Variants in WDR31 observed in about 807,000 individuals in gnomAD.
WDR31 encodes the protein WD repeat domain 31, also known as WD repeat-containing protein 31.
WDR31 carries 30 observed loss-of-function variants against 47.3 expected under a neutral mutation model. The ratio of observed to expected loss-of-function variants is 0.63; its 90% CI spans 0.47 to 0.86. WDR31 has a LOEUF of 0.86. Ranked by LOEUF, WDR31 falls within the 40% of genes least tolerant of loss-of-function variation. The pLI is 0.00. For synonymous variants in WDR31, 137 were observed against 159.4 expected (o/e 0.86, Z 1.06); for missense variants, 406 against 442.9 (o/e 0.92, Z 0.75).
chr9:113,322,852 TCAC>T lies in WDR31; in HGVS notation c.526_528del (p.Val176del), dbSNP rs1833356505. The stretch of plus-strand genomic sequence containing the variant: ...GATGCTCTTTCCACACTCTGTCCTG[TCAC>T]CACATCCCACAGAAGCAGGGTGTTG... On this transcript the variant is annotated inframe_deletion, in exon 7 of 11. Coordinates refer to ENST00000374193, the MANE Select transcript of WDR31 (RefSeq NM_001012361.4). The T allele has an allele frequency of 1.9e-6, 3 of 1,614,172 alleles. No homozygotes were observed. The East Asian group carries it at 6.7e-5, about 36-fold the overall frequency.
At chr9:113,323,255 A>C in intron 5 of WDR31, 100 bp from the exon 6 acceptor site, 10 of 1,395,944 alleles carry the variant, frequency 7.2e-6, no homozygotes, top group Non-Finnish European at 9.7e-6. Flanking sequence ...CTCCCTCCCC[A>C]CACACACTTC....
At chr9:113,330,549 T>A (rs1418363637) in intron 4 of WDR31, among the ~76,000 whole-genome samples, 2 of 152,218 alleles carry the variant, frequency 1.3e-5, no homozygotes, top group Admixed American at 1.3e-4. Flanking sequence ...TCATGATGCA[T>A]ACCAGTGTAG....
In WDR31 at chr9:113,328,923, A is replaced by C. The variant is rs35305327; in HGVS notation, c.282T>G (p.Asn94Lys). 11,291 of 1,613,950 alleles carry C rather than the reference A, an allele frequency of 7.0e-3. 60 individuals carry two copies. The highest frequency in any genetic ancestry group is 8.3e-3 in the Non-Finnish European group (9,770 of 1,179,802). The change falls in exon 5 of 11, where the codon AAT (asparagine) becomes AAG (lysine). Residue 94 changes from asparagine (N) to lysine (K), a missense_variant. By Grantham distance (94) the Asn-to-Lys change is moderately conservative (BLOSUM62 0). Transcript: ENST00000374193. ...TVVAYNWKTGNVVKRFKGHEH... is the reference protein window; with the variant it reads ...TVVAYNWKTGKVVKRFKGHEH... The stretch of plus-strand genomic sequence containing the variant: ...CATGTCCTTTGAACCTTTTCACCAC[A>C]TTTCCAGTTTTCCAATTATAGGCCA...
chr9:113,330,099 CATT>C (rs1042645877), intron 4 of WDR31, among the ~76,000 whole-genome samples: 7 of 152,032 alleles, frequency 4.6e-5, no homozygotes, highest in East Asian at 1.9e-4. Context: ...AAATGAGAGA[CATT>C]ATTATTATTA....
chr9:113,313,321 C>G lies in WDR31; in HGVS notation c.*3428G>C, dbSNP rs1833116756. On this transcript the variant is annotated 3_prime_UTR_variant, in exon 11 of 11. Coordinates refer to ENST00000374193, the MANE Select transcript of WDR31 (RefSeq NM_001012361.4). ...TACTTTCCTTCTCCTGGCAGCCTGT[C>G]CCCCTTCCCTGGGACCCCCTCCCAA... 1 of 152,220 alleles carries G rather than the reference C, an allele frequency of 6.6e-6. No homozygotes were observed. Among genetic ancestry groups the G allele is most frequent in the South Asian group, 2.1e-4 (1 of 4,832 alleles). The allele number at this position is 152,220 out of a possible 1,614,324, so 9.4% of individuals were successfully genotyped here.
chr9:113,326,344 C>A (rs1384698769), intron 5 of WDR31, among the ~76,000 whole-genome samples: 1 of 152,170 alleles, frequency 6.6e-6, no homozygotes, highest in Non-Finnish European at 1.5e-5. Context: ...CATACAGATT[C>A]TTTTTCTTTC....
intron 5 of WDR31, among the ~76,000 whole-genome samples, chr9:113,324,995 G>T (rs1833429458): frequency 6.6e-6 from 1 of 151,956 alleles, no homozygotes; most frequent in African/African-American, 2.4e-5. Context: ...GCCCAGGCTG[G>T]AGTGCAATGG....
intron 3 of WDR31, 91 bp from the exon 4 acceptor site, chr9:113,331,207 A>C: frequency 9.2e-7 from 1 of 1,082,576 alleles, no homozygotes; most frequent in Non-Finnish European, 1.3e-6. Context: ...GTGGGTTAAG[A>C]AGGCAATTCA....
chr9:113,334,440 G>A (rs1478841941), intron 2 of WDR31, among the ~76,000 whole-genome samples: 1 of 152,054 alleles, frequency 6.6e-6, no homozygotes, highest in South Asian at 2.1e-4. Context: ...TTCATAAAAT[G>A]ATGTTTTATG....
chr9:113,318,709 AC>A, intron 9 of WDR31, 72 bp from the exon 10 acceptor site: 1 of 1,530,004 alleles, frequency 6.5e-7, no homozygotes, highest in Non-Finnish European at 9.0e-7. Flanking sequence ...ATCTCCCCCT[AC>A]CCCCATGATG....
chr9:113,339,111 G>A (rs12337069), intron 1 of WDR31, among the ~76,000 whole-genome samples: 4,449 of 152,176 alleles, frequency 0.029, 224 homozygotes, highest in African/African-American at 0.1. Flanking sequence ...ACCAGGCCTC[G>A]GTCTGAATCC....
chr9:113,323,220 T>A, intron 5 of WDR31, 65 bp from the exon 6 acceptor site: 2 of 1,554,932 alleles, frequency 1.3e-6, no homozygotes, highest in Non-Finnish European at 1.7e-6. Flanking sequence ...GGACTTTAAA[T>A]TGGGGGAAAG....
At chr9:113,322,424 T>G (rs187536365) in intron 7 of WDR31, among the ~76,000 whole-genome samples, 95 of 152,288 alleles carry the variant, frequency 6.2e-4, no homozygotes, top group African/African-American at 2.3e-3. Context: ...AGGTAATGCT[T>G]ATTTCTCCAC....
At chr9:113,339,092 C>A (rs1431513516) in intron 1 of WDR31, among the ~76,000 whole-genome samples, 4 of 152,188 alleles carry the variant, frequency 2.6e-5, no homozygotes, top group Non-Finnish European at 5.9e-5. Context: ...CCTGTTGGTT[C>A]CAGTTGGAAC....
intron 2 of WDR31, among the ~76,000 whole-genome samples, chr9:113,334,169 A>G (rs116074785): frequency 0.012 from 1,756 of 151,886 alleles, 39 homozygotes; most frequent in African/African-American, 0.039. Flanking sequence ...ATGCCCAGCT[A>G]ATTTTTCTGT....
In WDR31 at chr9:113,314,126, C is replaced by CTCCA. The variant is rs1162596835; in HGVS notation, c.*2619_*2622dup. ...AGCGAGCCGAGATTGCACCACTGCA[C>CTCCA]TCCAGCCTGGGCGACAGAGCAAGAT... On this transcript the variant is annotated 3_prime_UTR_variant, in exon 11 of 11. Transcript: ENST00000374193. 1 of 134,726 alleles carries CTCCA rather than the reference C, an allele frequency of 7.4e-6. No homozygotes were observed. The highest frequency in any genetic ancestry group is 2.2e-4 in the East Asian group (1 of 4,590). The allele number at this position is 134,726 out of a possible 1,614,324, so 8.3% of individuals were successfully genotyped here.
At chr9:113,339,034 G>A (rs1481261792) in intron 1 of WDR31, among the ~76,000 whole-genome samples, 2 of 152,176 alleles carry the variant, frequency 1.3e-5, no homozygotes, top group Admixed American at 1.3e-4. Context: ...CAGAAAGGCT[G>A]GAGAGGACAT....
intron 7 of WDR31, among the ~76,000 whole-genome samples, chr9:113,322,489 C>T (rs570957016): frequency 4.1e-4 from 63 of 152,292 alleles, no homozygotes; most frequent in Admixed American, 1.4e-3. Context: ...TCCTGGAAGA[C>T]AGGAACTATG....
In WDR31 at chr9:113,314,046, G is replaced by C. The variant is rs1015636694; in HGVS notation, c.*2703C>G. The C allele has an allele frequency of 6.7e-6, 1 of 149,944 alleles. No homozygotes were observed. Among genetic ancestry groups the C allele is most frequent in the Admixed American group, 6.7e-5 (1 of 14,940 alleles). The allele number at this position is 149,944 out of a possible 1,614,324, so 9.3% of individuals were successfully genotyped here. ...GTGATGGCGGGCGCCTGTAGTCCCAGCTATTCGGGAGGCTGAGGCAGGAGA... is the reference window on the plus strand; with the variant it reads ...GTGATGGCGGGCGCCTGTAGTCCCACCTATTCGGGAGGCTGAGGCAGGAGA... On this transcript the variant is annotated 3_prime_UTR_variant, in exon 11 of 11. Transcript: ENST00000374193.
Sources: allele counts gnomAD v4.1 joint callset (sites outside exome capture counted in the v4.1 genomes callset), GRCh38; gene constraint gnomAD v4.1.1; transcripts MANE v1.5; gene names NCBI Gene and HGNC (gene_info 2026-07-23, HGNC 2026-07-21).